RARB: variants seen among roughly 807,000 people sequenced by gnomAD.
The protein encoded by RARB is HBV-activated protein.
Under a neutral mutation model 51.9 loss-of-function variants are expected in RARB, and 17 were observed. The ratio of observed to expected loss-of-function variants is 0.33; its 90% CI spans 0.22 to 0.49. The LOEUF is 0.49. Ranked by LOEUF, RARB falls within the 20% of genes least tolerant of loss-of-function variation. RARB has a pLI of 0.99. For missense variants in RARB, 369 were observed against 550.8 expected, an observed-to-expected ratio of 0.67 and a Z score of 3.30; for synonymous variants, 215 against 195.4, an observed-to-expected ratio of 1.10 and a Z score of -0.84.
intron 2 of RARB, among the ~76,000 whole-genome samples, chr3:25,051,357 A>C (rs1418142128): frequency 6.6e-6 from 1 of 152,126 alleles, no homozygotes; most frequent in Non-Finnish European, 1.5e-5. Flanking sequence ...TGACCTGAGG[A>C]TTATAAGGAA....
chr3:24,956,410 C>G (rs1184120045), intron 2 of RARB, among the ~76,000 whole-genome samples: 2 of 152,158 alleles, frequency 1.3e-5, no homozygotes, highest in Non-Finnish European at 2.9e-5. Flanking sequence ...TGTGACTGAA[C>G]TCTTTGTAAC....
At chr3:25,329,513 C>A (rs1027323625) in intron 5 of RARB, among the ~76,000 whole-genome samples, 5 of 152,082 alleles carry the variant, frequency 3.3e-5, no homozygotes, top group African/African-American at 1.2e-4. Flanking sequence ...TATATATCAC[C>A]ATCATCAAAG....
chr3:25,251,268 TACAAGATGGGC>T (rs1007302980), intron 5 of RARB, among the ~76,000 whole-genome samples: 64 of 152,134 alleles, frequency 4.2e-4, no homozygotes, highest in African/African-American at 1.5e-3. Context: ...ATCCATTCTT[TACAAGATGGGC>T]ATTTGGATTG....
chr3:25,025,575 A>G (rs1377347988), intron 2 of RARB, among the ~76,000 whole-genome samples: 2 of 152,208 alleles, frequency 1.3e-5, no homozygotes, highest in Non-Finnish European at 2.9e-5. Context: ...GTACACAGAT[A>G]AACATAAGGC....
At chr3:25,428,010 C>T (rs1220923024), upstream of RARB, among the ~76,000 whole-genome samples, 1 of 152,126 alleles carries the variant, frequency 6.6e-6, no homozygotes, top group Non-Finnish European at 1.5e-5. Flanking sequence ...CCGGCTCCTC[C>T]CCTGCTCATT....
At chr3:24,887,898 G>A (rs1215734372) in intron 2 of RARB, among the ~76,000 whole-genome samples, 2 of 152,134 alleles carry the variant, frequency 1.3e-5, no homozygotes, top group Non-Finnish European at 2.9e-5. Flanking sequence ...TGAGGGAGAG[G>A]TGGTGTGGTG....
intron 2 of RARB, among the ~76,000 whole-genome samples, chr3:24,942,789 A>G (rs1001395295): frequency 6.6e-6 from 1 of 152,156 alleles, no homozygotes; most frequent in Non-Finnish European, 1.5e-5. Context: ...CTAAACCAAC[A>G]TACCTCACTT....
chr3:24,833,159 C>A (rs1702303172), intron 1 of RARB: 1 of 152,324 alleles, frequency 6.6e-6, no homozygotes, highest in Non-Finnish European at 1.5e-5. Flanking sequence ...GAGCAGCGAT[C>A]TGCACTCTTA....
chr3:25,384,653 C>T (rs964211962), intron 5 of RARB, among the ~76,000 whole-genome samples: 1 of 152,194 alleles, frequency 6.6e-6, no homozygotes, highest in East Asian at 1.9e-4. Context: ...CACCTGAGAA[C>T]ATTCTTTTCT....
At chr3:24,951,591 C>T (rs1454692194) in intron 2 of RARB, among the ~76,000 whole-genome samples, 3 of 152,146 alleles carry the variant, frequency 2.0e-5, no homozygotes, top group African/African-American at 4.8e-5. Flanking sequence ...TTACATCCCT[C>T]TACTAGGCAT....
At chr3:25,101,011 G>C (rs73044582) in intron 3 of RARB, among the ~76,000 whole-genome samples, 13,117 of 152,232 alleles carry the variant, frequency 0.086, 762 homozygotes, top group Non-Finnish European at 0.13. Context: ...AATTTACCTT[G>C]CACAGGTAAC....
At chr3:25,590,131 G>A (rs952048953) in intron 5 of RARB, among the ~76,000 whole-genome samples, 3 of 152,214 alleles carry the variant, frequency 2.0e-5, no homozygotes, top group African/African-American at 7.2e-5. Flanking sequence ...CTCTCTGGAT[G>A]TACCAGTTGT....
chr3:24,845,623 T>C (rs1451290004), intron 1 of RARB, among the ~76,000 whole-genome samples: 1 of 152,184 alleles, frequency 6.6e-6, no homozygotes, highest in Non-Finnish European at 1.5e-5. Flanking sequence ...TTGGCAATCA[T>C]CTATCAGTCA....
chr3:25,376,963 A>C (rs1706478558), intron 5 of RARB, among the ~76,000 whole-genome samples: 1 of 152,198 alleles, frequency 6.6e-6, no homozygotes. Context: ...TGGGTGGCTC[A>C]TTTCATAATA....
chr3:25,546,902 G>A (rs1699640519), intron 3 of RARB, among the ~76,000 whole-genome samples: 1 of 152,092 alleles, frequency 6.6e-6, no homozygotes, highest in Non-Finnish European at 1.5e-5. Context: ...TCATCAAATA[G>A]TCTTTGAAAA....
At chr3:25,231,449 T>C (rs1702174042) in intron 5 of RARB, among the ~76,000 whole-genome samples, 1 of 152,142 alleles carries the variant, frequency 6.6e-6, no homozygotes, top group Non-Finnish European at 1.5e-5. Context: ...CCTTTAGCTT[T>C]ATGTTCTCAC....
intron 2 of RARB, among the ~76,000 whole-genome samples, chr3:25,490,555 C>G (rs1401113406): frequency 1.3e-5 from 2 of 152,168 alleles, no homozygotes; most frequent in Admixed American, 6.5e-5. Flanking sequence ...TTGGCTCTCT[C>G]TCCTTCTGCT....
chr3:25,593,854 G>A (rs1701710640), intron 6 of RARB, 147 bp downstream of exon 6: 1 of 735,894 alleles, frequency 1.4e-6, no homozygotes, highest in Non-Finnish European at 2.2e-6. Flanking sequence ...TGGTTTCATT[G>A]TATTTTTCCA....
intron 3 of RARB, among the ~76,000 whole-genome samples, chr3:25,118,715 T>C (rs1218301038): frequency 6.6e-6 from 1 of 152,116 alleles, no homozygotes; most frequent in African/African-American, 2.4e-5. Flanking sequence ...CAATGAGATA[T>C]GTCTTGGTGG....
Sources: allele counts gnomAD v4.1 joint callset (sites outside exome capture counted in the v4.1 genomes callset), GRCh38; gene constraint gnomAD v4.1.1; transcripts MANE v1.5; gene names NCBI Gene and HGNC (gene_info 2026-07-23, HGNC 2026-07-21).